The following CRYL1 variants were observed in gnomAD, a reference collection of about 807,000 sequenced individuals.
The protein encoded by CRYL1 is lambda-crystallin homolog.
CRYL1 carries 29 observed loss-of-function variants against 36.6 expected under a neutral mutation model. The ratio of observed to expected loss-of-function variants is 0.79; its 90% CI spans 0.59 to 1.08. The LOEUF (loss-of-function observed/expected upper bound fraction) is 1.08. Among genes scored for constraint, CRYL1 ranks in the 50% least tolerant of loss-of-function variants. The pLI is 0.00. For missense variants in CRYL1, 411 were observed against 407.9 expected (o/e 1.01, Z -0.06); for synonymous variants, 152 against 151.5 (o/e 1.00, Z -0.02).
intron 3 of CRYL1, among the ~76,000 whole-genome samples, chr13:20,448,081 T>G (rs1489724001): frequency 6.6e-6 from 1 of 152,104 alleles, no homozygotes; most frequent in Admixed American, 6.5e-5. Context: ...CTAGACAACA[T>G]GCAACATCGT....
chr13:20,446,966 G>T, intron 3 of CRYL1, among the ~76,000 whole-genome samples: 1 of 152,154 alleles, frequency 6.6e-6, no homozygotes, highest in East Asian at 1.9e-4. Flanking sequence ...TTTTTTGTTA[G>T]CAATTATTTA....
At position 20,508,824 on chromosome 13, in the gene CRYL1, G is replaced by A. The variant is rs374208905; in HGVS notation, c.149+3619C>T. Among the ~76,000 whole-genome samples the A allele has an allele frequency of 1.7e-4, 20 of 115,070 alleles. No homozygotes were observed. The Admixed American group carries it at 1.7e-3, about 10-fold the overall frequency. 75.5% of individuals were successfully genotyped at this position (115,070 alleles called of 152,430 possible). A position where few individuals can be genotyped will look rare whatever the true frequency, so the allele number is the denominator to read the frequency against. Reference sequence around the variant, plus strand: ...AGATCGCTCCACTGCACTCCACTCCGGCCTAGGTGGCAGAGCGAGACTCCA... The same window carrying A: ...AGATCGCTCCACTGCACTCCACTCCAGCCTAGGTGGCAGAGCGAGACTCCA... On this transcript the variant is annotated intron_variant, in intron 2 of 7. Coordinates refer to ENST00000298248, the MANE Select transcript of CRYL1 (RefSeq NM_015974.3).
At chr13:20,524,274 T>C (rs1285515553) in intron 1 of CRYL1, among the ~76,000 whole-genome samples, 1 of 152,042 alleles carries the variant, frequency 6.6e-6, no homozygotes, top group Non-Finnish European at 1.5e-5. Flanking sequence ...GTAAAAACTG[T>C]GTGTGTATAT....
intron 1 of CRYL1, among the ~76,000 whole-genome samples, chr13:20,521,128 AAG>A (rs1369148202): frequency 0.016 from 570 of 35,544 alleles, 3 homozygotes; most frequent in Non-Finnish European, 0.076. Context: ...AAAAAAAGGA[AAG>A]AAAGAAAGAA....
intron 3 of CRYL1, among the ~76,000 whole-genome samples, chr13:20,459,042 T>C (rs1033408280): frequency 4.6e-5 from 7 of 152,102 alleles, no homozygotes; most frequent in Non-Finnish European, 1.0e-4. Context: ...AAGACCATCC[T>C]GGCTAACACG....
intron 3 of CRYL1, among the ~76,000 whole-genome samples, chr13:20,464,429 T>G (rs2032892053): frequency 1.3e-5 from 2 of 152,286 alleles, no homozygotes; most frequent in South Asian, 4.1e-4. Context: ...AAATAAAATT[T>G]AAAGCATACA....
rs144557157 is a variant in CRYL1, at chr13:20,472,891, C to T, written c.276+16479G>A. On this transcript the variant is annotated intron_variant, in intron 3 of 7. Coordinates refer to ENST00000298248, the MANE Select transcript of CRYL1 (RefSeq NM_015974.3). ...TTGGCTGGGGCCAGGGAGGGGAGGG[C>T]AGAGGAGAGAGGTCAAGGAGTGAAG... The T allele has an allele frequency of 4.6e-3, 705 of 152,522 alleles. 8 individuals are homozygous for T. The highest frequency in any genetic ancestry group is 0.016 in the African/African-American group (654 of 41,588). The allele number at this position is 152,522 out of a possible 1,614,324, so 9.4% of individuals were successfully genotyped here.
chr13:20,431,432 GACAGTTC>G, intron 5 of CRYL1: 1 of 985,394 alleles, frequency 1.0e-6, no homozygotes, highest in Non-Finnish European at 1.2e-6. Context: ...AGGGAGGCCG[GACAGTTC>G]CACTCCCAGA....
intron 5 of CRYL1, among the ~76,000 whole-genome samples, chr13:20,426,152 C>A (rs188204838): frequency 2.6e-5 from 4 of 152,096 alleles, no homozygotes; most frequent in Admixed American, 6.5e-5. Flanking sequence ...CAGGCCCAAG[C>A]GGGGCAGGTC....
intron 1 of CRYL1, among the ~76,000 whole-genome samples, chr13:20,517,625 G>A (rs898148569): frequency 6.6e-6 from 1 of 151,230 alleles, no homozygotes; most frequent in Non-Finnish European, 1.5e-5. Flanking sequence ...ATTTTGCATA[G>A]TGAAGTTTAA....
At chr13:20,458,989 A>T (rs2032743499) in intron 3 of CRYL1, among the ~76,000 whole-genome samples, 2 of 152,224 alleles carry the variant, frequency 1.3e-5, no homozygotes, top group South Asian at 4.1e-4. Context: ...TAATCCCAGC[A>T]CTTTGGGAGG....
At chr13:20,468,820 T>C (rs78204005) in intron 3 of CRYL1, among the ~76,000 whole-genome samples, 4,539 of 152,262 alleles carry the variant, frequency 0.03, 163 homozygotes, top group African/African-American at 0.086. Flanking sequence ...TTGTCCAGGC[T>C]GGTGTCGAAC....
At chr13:20,418,409 G>A (rs918352012) in intron 5 of CRYL1, 3 of 152,140 alleles carry the variant, frequency 2.0e-5, no homozygotes, top group Non-Finnish European at 2.9e-5. Context: ...CTGGTCCTTC[G>A]GACAGTCCCA....
At chr13:20,475,335 G>A (rs959754453) in intron 3 of CRYL1, among the ~76,000 whole-genome samples, 1 of 152,196 alleles carries the variant, frequency 6.6e-6, no homozygotes, top group South Asian at 2.1e-4. Flanking sequence ...GGGCTCTGGG[G>A]TGAGATCTTT....
intron 3 of CRYL1, among the ~76,000 whole-genome samples, chr13:20,468,924 T>G (rs1479001694): frequency 6.6e-6 from 1 of 152,150 alleles, no homozygotes; most frequent in African/African-American, 2.4e-5. Context: ...TACCTAGTTT[T>G]CTAGCATCTA....
chr13:20,423,977 G>C (rs2031877497), intron 5 of CRYL1, among the ~76,000 whole-genome samples: 1 of 151,898 alleles, frequency 6.6e-6, no homozygotes, highest in Non-Finnish European at 1.5e-5. Flanking sequence ...CACCTTGTTG[G>C]CCAGACTGGT....
chr13:20,433,392 A>G (rs535745548), intron 4 of CRYL1, among the ~76,000 whole-genome samples: 5 of 152,296 alleles, frequency 3.3e-5, no homozygotes, highest in African/African-American at 9.6e-5. Flanking sequence ...ATGCTTTTCA[A>G]TGGGTTTTCC....
chr13:20,411,021 A>G (rs2031509932), intron 6 of CRYL1, among the ~76,000 whole-genome samples: 1 of 152,224 alleles, frequency 6.6e-6, no homozygotes, highest in African/African-American at 2.4e-5. Context: ...TAGATTAAAA[A>G]TAAATCCTAA....
chr13:20,517,793 G>A (rs561152909), intron 1 of CRYL1, among the ~76,000 whole-genome samples: 3 of 151,014 alleles, frequency 2.0e-5, no homozygotes, highest in East Asian at 2.0e-4. Context: ...AAAATTAGCC[G>A]GGCATGGTGG....
Sources: allele counts gnomAD v4.1 joint callset (sites outside exome capture counted in the v4.1 genomes callset), GRCh38; gene constraint gnomAD v4.1.1; transcripts MANE v1.5; gene names NCBI Gene and HGNC (gene_info 2026-07-23, HGNC 2026-07-21).